RYR3: variants seen among roughly 807,000 people sequenced by gnomAD.
RYR3 encodes the protein ryanodine receptor 3.
RYR3 carries 207 observed loss-of-function variants against 584.3 expected under a neutral mutation model. That is an observed-to-expected ratio of 0.35 (90% CI 0.32 to 0.40). The LOEUF (loss-of-function observed/expected upper bound fraction) is 0.40. RYR3 is among the 10% of genes least tolerant of loss of function. The pLI, the probability that RYR3 is intolerant of heterozygous loss-of-function variation, is 1.00. For missense variants in RYR3, 5,616 were observed against 6,089.2 expected (o/e 0.92, Z 2.59); for synonymous variants, 2,416 against 2,248.5 (o/e 1.07, Z -2.11).
At chr15:33,593,897 T>C (rs573591531) in intron 16 of RYR3, among the ~76,000 whole-genome samples, 1 of 152,346 alleles carries the variant, frequency 6.6e-6, no homozygotes, top group South Asian at 2.1e-4. Context: ...TAATTATTTG[T>C]ATACAGTGCA....
chr15:33,629,903 A>G (rs922270056), intron 21 of RYR3, 37 bp from the exon 22 acceptor site: 1 of 1,278,244 alleles, frequency 7.8e-7, no homozygotes, highest in African/African-American at 1.5e-5. Flanking sequence ...CAGCTGGTCA[A>G]AACTTAAATC....
chr15:33,336,637 T>C (rs934160598), intron 1 of RYR3, among the ~76,000 whole-genome samples: 10 of 151,608 alleles, frequency 6.6e-5, no homozygotes, highest in African/African-American at 2.4e-4. Flanking sequence ...TGGTCTTTCA[T>C]CTGCGTTTGA....
Position 33,731,566 on chromosome 15 carries a change from T to G in RYR3, c.7296T>G (p.Phe2432Leu), listed in dbSNP as rs1555430248. 1.2e-6 allele frequency: 2 copies of G among 1,613,806 alleles called. No individual in the cohort carries two copies. The highest frequency in any genetic ancestry group is 1.3e-5 in the African/African-American group (1 of 74,928). The change falls in exon 48 of 104, where the codon TTT becomes TTG. Residue 2432 changes from phenylalanine (F) to leucine (L), a missense_variant. This residue lies in a region of RYR3 where 1,280 missense variants were observed against 1,426.2 expected (regional missense o/e 0.90). Coordinates refer to ENST00000634891, the MANE Select transcript of RYR3 (RefSeq NM_001036.6). ...LPLLTRCAPL[F>L]AGTEHCTSLI... ...TCCTCACAAGATGTGCCCCTCTCTT[T>G]GCCGGAACAGAACACTGCACCTCTC...
chr15:33,853,896 T>G (rs557574345), intron 96 of RYR3, among the ~76,000 whole-genome samples: 3 of 152,198 alleles, frequency 2.0e-5, no homozygotes, highest in Admixed American at 1.3e-4. Flanking sequence ...AAAGACTTAA[T>G]TAAAATTTCA....
intron 20 of RYR3, among the ~76,000 whole-genome samples, chr15:33,624,234 C>T (rs150669101): frequency 0.018 from 2,775 of 152,268 alleles, 35 homozygotes; most frequent in Non-Finnish European, 0.03. Context: ...GCACCTGCTA[C>T]GTGTGTTATA....
At chr15:33,807,135 G>C (rs1293891184) in intron 69 of RYR3, among the ~76,000 whole-genome samples, 3 of 152,072 alleles carry the variant, frequency 2.0e-5, no homozygotes, top group Non-Finnish European at 4.4e-5. Flanking sequence ...TAATGTGGTG[G>C]GTAGAAGGAA....
At chr15:33,413,618 A>G (rs548249280) in intron 1 of RYR3, among the ~76,000 whole-genome samples, 17 of 152,344 alleles carry the variant, frequency 1.1e-4, no homozygotes, top group South Asian at 6.2e-4. Flanking sequence ...GGACTGGTCA[A>G]AATTGCAAAG....
In RYR3 at chr15:33,472,180, G is replaced by A. The variant is rs921769969; in HGVS notation, c.52-1239G>A. ...GTGGAGCTATGTTTTTCCACTCTTCGTTTCATACATCTACAACTTGTGGCT... is the reference window on the plus strand; with the variant it reads ...GTGGAGCTATGTTTTTCCACTCTTCATTTCATACATCTACAACTTGTGGCT... On this transcript the variant is annotated intron_variant, in intron 1 of 103. Transcript: ENST00000634891. Among the ~76,000 whole-genome samples the A allele has an allele frequency of 5.3e-5, 8 of 152,104 alleles. No homozygotes were observed. The South Asian group carries it at 8.3e-4, about 16-fold the overall frequency.
At chr15:33,597,399 G>A (rs535909200) in intron 16 of RYR3, among the ~76,000 whole-genome samples, 3 of 152,052 alleles carry the variant, frequency 2.0e-5, no homozygotes, top group Non-Finnish European at 2.9e-5. Flanking sequence ...GGCAGATTAC[G>A]AGGTCAGGAG....
chr15:33,822,947 G>C, intron 80 of RYR3, 49 bp from the exon 81 acceptor site: 1 of 1,503,620 alleles, frequency 6.7e-7, no homozygotes, highest in Non-Finnish European at 9.2e-7. Context: ...GGTCAGCTCT[G>C]TGGTATAGTT....
chr15:33,843,083 G>T (rs1406025376), intron 91 of RYR3, among the ~76,000 whole-genome samples: 1 of 152,020 alleles, frequency 6.6e-6, no homozygotes, highest in East Asian at 1.9e-4. Flanking sequence ...ATTTTGGGAG[G>T]CCGAGATGGG....
At chr15:33,475,711 A>G (rs1452922209) in intron 2 of RYR3, among the ~76,000 whole-genome samples, 6 of 152,182 alleles carry the variant, frequency 3.9e-5, no homozygotes, top group Non-Finnish European at 5.9e-5. Context: ...AGGACCTTGG[A>G]CAAGGTACCT....
At position 33,718,790 on chromosome 15, in the gene RYR3, G is replaced by A. The variant is rs185939843; in HGVS notation, c.6620-3925G>A. Among the ~76,000 whole-genome samples, 85 of 152,002 alleles carry A rather than the reference G, an allele frequency of 5.6e-4. 1 individual carries two copies. The highest frequency in any genetic ancestry group is 2.5e-3 in the Admixed American group (38 of 15,282). On this transcript the variant is annotated intron_variant, in intron 43 of 103. Transcript: ENST00000634891. Reference sequence around the variant, plus strand: ...TTTCCATTTCCATCCAACTATTCAGGAACATCGAAAAGAAAACAGTAACAT... The same window carrying A: ...TTTCCATTTCCATCCAACTATTCAGAAACATCGAAAAGAAAACAGTAACAT...
chr15:33,778,890 G>T (rs1440787387), intron 64 of RYR3, among the ~76,000 whole-genome samples: 1 of 152,154 alleles, frequency 6.6e-6, no homozygotes, highest in Non-Finnish European at 1.5e-5. Context: ...TGAAGTTATC[G>T]GCTCAAATGC....
chr15:33,834,371 G>A (rs1236095663), intron 86 of RYR3, among the ~76,000 whole-genome samples: 1 of 151,276 alleles, frequency 6.6e-6, no homozygotes, highest in Non-Finnish European at 1.5e-5. Context: ...CTCTACATTT[G>A]GCTTTCAGAA....
At chr15:33,758,945 G>A (rs1406643397) in intron 60 of RYR3, among the ~76,000 whole-genome samples, 1 of 152,224 alleles carries the variant, frequency 6.6e-6, no homozygotes, top group Non-Finnish European at 1.5e-5. Flanking sequence ...TCCAGAGGAA[G>A]GAGAAAGCAG....
At chr15:33,531,522 A>G (rs1277057358) in intron 4 of RYR3, among the ~76,000 whole-genome samples, 1 of 151,972 alleles carries the variant, frequency 6.6e-6, no homozygotes, top group Non-Finnish European at 1.5e-5. Context: ...ATTCAAGACT[A>G]TTTCCACACA....
At chr15:33,660,122 T>C (rs2063066902) in intron 33 of RYR3, 75 bp from the exon 34 acceptor site, 8 of 961,244 alleles carry the variant, frequency 8.3e-6, no homozygotes, top group Non-Finnish European at 1.3e-5. Flanking sequence ...ATACTGGCCA[T>C]ATCGGTTAAA....
In RYR3 at chr15:33,800,924, A is replaced by G. The variant is rs907365271; in HGVS notation, c.9918+67A>G. 8.4e-6 allele frequency: 10 copies of G among 1,184,792 alleles called. No individual in the cohort carries two copies. In the African/African-American group the frequency reaches 1.5e-4, roughly 18 times the overall value. The allele number at this position is 1,184,792 out of a possible 1,614,324, so 73.4% of individuals were successfully genotyped here. Reference sequence around the variant, plus strand: ...AGCTGCAGACCGTGGAAAACTGTTGATGAAAAAAAGCCAACAGTAAAATAT... The same window carrying G: ...AGCTGCAGACCGTGGAAAACTGTTGGTGAAAAAAAGCCAACAGTAAAATAT... On this transcript the variant is annotated intron_variant, in intron 68 of 103. Coordinates refer to ENST00000634891, the MANE Select transcript of RYR3 (RefSeq NM_001036.6).
Sources: gnomAD v4.1 joint callset for allele counts (sites outside exome capture counted in the v4.1 genomes callset) on GRCh38, gnomAD v4.1.1 for gene constraint, gnomAD v4.1.1 regional missense constraint, MANE v1.5 for transcripts, NCBI Gene and HGNC (gene_info 2026-07-23, HGNC 2026-07-21) for gene names.